NIPSNAP1: variants seen among roughly 807,000 people sequenced by gnomAD.
The protein encoded by NIPSNAP1 is protein NipSnap homolog 1.
NIPSNAP1 carries 25 observed loss-of-function variants against 49.2 expected under a neutral mutation model. That is an observed-to-expected ratio of 0.51 (90% CI 0.37 to 0.71). NIPSNAP1 has a LOEUF of 0.71. NIPSNAP1 is among the 30% of genes least tolerant of loss of function. The probability of loss-of-function intolerance (pLI) is 0.00; values close to 1 mark genes in which losing one functional copy is unlikely to be tolerated. For synonymous variants in NIPSNAP1, 143 were observed against 140.7 expected (o/e 1.02, Z -0.12); for missense variants, 294 against 361.0 (o/e 0.81, Z 1.50).
intron 9 of NIPSNAP1, among the ~76,000 whole-genome samples, chr22:29,556,389 T>C (rs1398213719): frequency 1.3e-5 from 2 of 151,962 alleles, no homozygotes; most frequent in African/African-American, 2.4e-5. Context: ...CCGGGCGTAG[T>C]GGCACATGCT....
At chr22:29,556,029 G>T (rs78018339) in intron 9 of NIPSNAP1, 30 bp from the exon 10 acceptor site, 12 of 849,568 alleles carry the variant, frequency 1.4e-5, no homozygotes, top group Middle Eastern at 5.0e-4. Flanking sequence ...AGGTCACACA[G>T]GGGGCTCAAG....
chr22:29,572,410 T>C (rs1466674613), intron 1 of NIPSNAP1, among the ~76,000 whole-genome samples: 1 of 151,588 alleles, frequency 6.6e-6, no homozygotes, highest in East Asian at 1.9e-4. Flanking sequence ...CTGGGCACGA[T>C]GGCTAAATGC....
chr22:29,578,932 G>A (rs943581581), intron 1 of NIPSNAP1, among the ~76,000 whole-genome samples: 1 of 151,114 alleles, frequency 6.6e-6, no homozygotes, highest in Non-Finnish European at 1.5e-5. Context: ...AAAACAAAGG[G>A]CTCATAAAAG....
At chr22:29,560,495 C>T (rs1382599796) in intron 8 of NIPSNAP1, among the ~76,000 whole-genome samples, 1 of 152,118 alleles carries the variant, frequency 6.6e-6, no homozygotes, top group East Asian at 1.9e-4. Flanking sequence ...ATTTGCCCAC[C>T]TCGGCCTCCC....
intron 1 of NIPSNAP1, among the ~76,000 whole-genome samples, chr22:29,575,570 G>A (rs1267032718): frequency 6.6e-6 from 1 of 152,120 alleles, no homozygotes; most frequent in Non-Finnish European, 1.5e-5. Context: ...ACCTCCCCAA[G>A]CCCTCTCTTC....
chr22:29,575,013 A>G (rs2064441214), intron 1 of NIPSNAP1, among the ~76,000 whole-genome samples: 1 of 152,160 alleles, frequency 6.6e-6, no homozygotes, highest in Non-Finnish European at 1.5e-5. Flanking sequence ...CCAAGGCCGC[A>G]CAGAAAATCA....
intron 1 of NIPSNAP1, among the ~76,000 whole-genome samples, chr22:29,576,060 C>T (rs1457523375): frequency 5.3e-5 from 8 of 150,120 alleles, no homozygotes; most frequent in Admixed American, 2.7e-4. Context: ...ACTCTGTTGC[C>T]CAGGCTGGAG....
intron 4 of NIPSNAP1, among the ~76,000 whole-genome samples, chr22:29,562,073 C>G (rs554694517): frequency 3.3e-5 from 5 of 152,190 alleles, no homozygotes; most frequent in African/African-American, 9.6e-5. Context: ...GATTTGAGCT[C>G]CAGCTCTGCC....
chr22:29,574,277 A>AG, intron 1 of NIPSNAP1, among the ~76,000 whole-genome samples: 2 of 148,564 alleles, frequency 1.3e-5, no homozygotes, highest in Non-Finnish European at 3.0e-5. Context: ...AAAAAAAAAA[A>AG]AAAAAAAAAA....
Position 29,555,742 on chromosome 22 carries a change from A to T in NIPSNAP1, c.*193T>A. On this transcript the variant is annotated 3_prime_UTR_variant, in exon 10 of 10. Coordinates refer to ENST00000216121, the MANE Select transcript of NIPSNAP1 (RefSeq NM_003634.4). ...GCAGGGGGAGGGAGGCAGGCAGGGA[A>T]AGTAGAAAGGGCCTGGGCAGAGCTG... 1 of 606,546 alleles carries T rather than the reference A, an allele frequency of 1.6e-6. No homozygotes were observed. The highest frequency in any genetic ancestry group is 3.0e-6 in the Non-Finnish European group (1 of 330,646). 37.6% of individuals were successfully genotyped at this position (606,546 alleles called of 1,614,324 possible). A position where few individuals can be genotyped will look rare whatever the true frequency, so the allele number is the denominator to read the frequency against.
chr22:29,567,810 A>G (rs2064377966), intron 4 of NIPSNAP1, among the ~76,000 whole-genome samples: 1 of 151,842 alleles, frequency 6.6e-6, no homozygotes, highest in Non-Finnish European at 1.5e-5. Context: ...AGCTGTGATC[A>G]CACCACTGCA....
intron 7 of NIPSNAP1, 92 bp from the exon 8 acceptor site, chr22:29,560,920 T>C: frequency 8.1e-7 from 1 of 1,228,754 alleles, no homozygotes; most frequent in Non-Finnish European, 1.2e-6. Context: ...AGGAGGGGCC[T>C]AGGTGGAACC....
chr22:29,567,069 C>T (rs879828211), intron 4 of NIPSNAP1, among the ~76,000 whole-genome samples: 3 of 152,102 alleles, frequency 2.0e-5, no homozygotes, highest in Non-Finnish European at 4.4e-5. Context: ...TTGCAGTGAG[C>T]CAAGATTGCA....
Position 29,555,181 on chromosome 22 carries a change from G to A in NIPSNAP1, c.*754C>T, listed in dbSNP as rs1231755937. 6.6e-6 allele frequency: 1 copy of A among 152,644 alleles called. No individual in the cohort carries two copies. The highest frequency in any genetic ancestry group is 2.4e-5 in the African/African-American group (1 of 41,444). The allele number at this position is 152,644 out of a possible 1,614,324, so 9.5% of individuals were successfully genotyped here. Reference sequence around the variant, plus strand: ...CCACTCTCCATCTGTCTAGTATTAGGAACCTCTCTTCAAGTGGTCTTTTGT... The same window carrying A: ...CCACTCTCCATCTGTCTAGTATTAGAAACCTCTCTTCAAGTGGTCTTTTGT... On this transcript the variant is annotated 3_prime_UTR_variant, in exon 10 of 10. Coordinates refer to ENST00000216121, the MANE Select transcript of NIPSNAP1 (RefSeq NM_003634.4).
rs183709348 is a variant in NIPSNAP1, at chr22:29,560,372, C to T, written c.706+362G>A. Among the ~76,000 whole-genome samples, 924 of 152,142 alleles carry T rather than the reference C, an allele frequency of 6.1e-3. 6 individuals are homozygous for T. The highest frequency in any genetic ancestry group is 0.021 in the African/African-American group (882 of 41,496). ...AACTGATTCTCCTGCCTCATCCTCC[C>T]GAGTATCTGGGACTACAGGCATGCG... On this transcript the variant is annotated intron_variant, in intron 8 of 9. Coordinates refer to ENST00000216121, the MANE Select transcript of NIPSNAP1 (RefSeq NM_003634.4).
Position 29,555,901 on chromosome 22 carries a change from G to A in NIPSNAP1, c.*34C>T, listed in dbSNP as rs147913137. ...CCACTGTCTGTCGGGGTTGCCTGAG[G>A]GAGAAGGGGAAGGAGGTGGAGGTGT... On this transcript the variant is annotated 3_prime_UTR_variant, in exon 10 of 10. Transcript: ENST00000216121. 569 of 1,546,464 alleles carry A rather than the reference G, an allele frequency of 3.7e-4. 5 individuals carry two copies. In the African/African-American group the frequency reaches 5.6e-3, roughly 15 times the overall value.
chr22:29,572,797 T>A (rs2064419725), intron 1 of NIPSNAP1, among the ~76,000 whole-genome samples: 2 of 141,282 alleles, frequency 1.4e-5, no homozygotes, highest in African/African-American at 2.5e-5. Flanking sequence ...AGACTCTATC[T>A]CAAAAAAATA....
At position 29,555,248 on chromosome 22, in the gene NIPSNAP1, A is replaced by C. The variant is rs1332499917; in HGVS notation, c.*687T>G. The C allele has an allele frequency of 6.5e-6, 1 of 152,782 alleles. No homozygotes were observed. The highest frequency in any genetic ancestry group is 1.9e-4 in the East Asian group (1 of 5,344). 9.5% of individuals were successfully genotyped at this position (152,782 alleles called of 1,614,324 possible). ...CCCAATTCTGTATTCCAGATTCCAAATTCTACAATTGAAACCCAAGTTCTG... is the reference window on the plus strand; with the variant it reads ...CCCAATTCTGTATTCCAGATTCCAACTTCTACAATTGAAACCCAAGTTCTG... On this transcript the variant is annotated 3_prime_UTR_variant, in exon 10 of 10. Coordinates refer to ENST00000216121, the MANE Select transcript of NIPSNAP1 (RefSeq NM_003634.4).
At chr22:29,556,612 G>A (rs1936947586) in intron 9 of NIPSNAP1, among the ~76,000 whole-genome samples, 2 of 152,170 alleles carry the variant, frequency 1.3e-5, no homozygotes, top group African/African-American at 4.8e-5. Flanking sequence ...GTCAGCTCCA[G>A]GTCATCCAGG....
Sources: gnomAD v4.1 joint callset for allele counts (sites outside exome capture counted in the v4.1 genomes callset) on GRCh38, gnomAD v4.1.1 for gene constraint, MANE v1.5 for transcripts, NCBI Gene and HGNC (gene_info 2026-07-23, HGNC 2026-07-21) for gene names.